Variants in CDK8 observed in about 807,000 individuals in gnomAD.
CDK8 encodes cyclin-dependent kinase 8.
Under a neutral mutation model 71.5 loss-of-function variants are expected in CDK8, and 29 were observed. That is an observed-to-expected ratio of 0.41 (90% CI 0.30 to 0.55). CDK8 has a LOEUF of 0.55. CDK8 is among the 20% of genes least tolerant of loss of function. CDK8 has a pLI of 0.37. For missense variants in CDK8, 288 were observed against 572.6 expected (o/e 0.50, Z 5.07); for synonymous variants, 161 against 192.1 (o/e 0.84, Z 1.34).
chr13:26,333,185 G>A (rs760478687), intron 1 of CDK8, among the ~76,000 whole-genome samples: 14 of 151,526 alleles, frequency 9.2e-5, no homozygotes, highest in Non-Finnish European at 1.8e-4. Context: ...CATCCCCCAG[G>A]CTGGAGTGCA....
Position 26,353,743 on chromosome 13 carries a change from A to G in CDK8, c.319A>G (p.Ile107Val), listed in dbSNP as rs769263310. Reference sequence around the variant, plus strand: ...GATATTTTTTTCTTTCTTTCAGCATATAATCAAGTTTCACAGAGCTTCTAA... The same window carrying G: ...GATATTTTTTTCTTTCTTTCAGCATGTAATCAAGTTTCACAGAGCTTCTAA... ...FDYAEHDLWH[I>V]IKFHRASKAN... Residue 107 changes from isoleucine (I) to valine (V), a missense_variant, in exon 4 of 13, where the codon ATA becomes GTA. Around this residue, in one of 6 missense-constraint regions of CDK8, gnomAD observed 95 missense variants for 177.3 expected, o/e 0.54. Coordinates refer to ENST00000381527, the MANE Select transcript of CDK8 (RefSeq NM_001260.3). 1.9e-6 allele frequency: 3 copies of G among 1,608,884 alleles called. No homozygotes were observed. The highest frequency in any genetic ancestry group is 1.7e-5 in the Admixed American group (1 of 59,340).
rs146076843 is a variant in CDK8, at chr13:26,284,510, C to T, written c.128+29741C>T. On this transcript the variant is annotated intron_variant, in intron 1 of 12. Coordinates refer to ENST00000381527, the MANE Select transcript of CDK8 (RefSeq NM_001260.3). ...TATTCAAGTTTACTGTGAGCACAAA[C>T]TAGAAAATCTAGAGATGGATAAATT... Among the ~76,000 whole-genome samples, 674 of 152,114 alleles carry T rather than the reference C, an allele frequency of 4.4e-3. 4 individuals carry two copies. The highest frequency in any genetic ancestry group is 0.015 in the African/African-American group (636 of 41,474).
intron 1 of CDK8, among the ~76,000 whole-genome samples, chr13:26,259,928 A>G (rs1871697338): frequency 6.6e-6 from 1 of 152,192 alleles, no homozygotes; most frequent in Non-Finnish European, 1.5e-5. Flanking sequence ...TTCAATAAGC[A>G]CTATAATAAT....
intron 3 of CDK8, among the ~76,000 whole-genome samples, chr13:26,353,398 CT>C (rs10715270): frequency 0.88 from 129,819 of 147,422 alleles, 57,188 homozygotes; most frequent in East Asian, 0.92. Flanking sequence ...GAATTTTGTT[CT>C]TTTTTTTTTT....
At chr13:26,360,880 C>T (rs1487171601) in intron 4 of CDK8, among the ~76,000 whole-genome samples, 2 of 152,146 alleles carry the variant, frequency 1.3e-5, no homozygotes, top group African/African-American at 4.8e-5. Context: ...AAGCTTCCCC[C>T]CATCCGTCTG....
intron 6 of CDK8, among the ~76,000 whole-genome samples, chr13:26,392,553 C>G (rs1190163904): frequency 6.6e-6 from 1 of 152,044 alleles, no homozygotes; most frequent in Non-Finnish European, 1.5e-5. Context: ...GTCTTGATTT[C>G]CTGACCTCGT....
intron 1 of CDK8, among the ~76,000 whole-genome samples, chr13:26,260,039 G>A (rs1388535396): frequency 6.6e-6 from 1 of 152,150 alleles, no homozygotes; most frequent in Non-Finnish European, 1.5e-5. Flanking sequence ...GATCATAGAA[G>A]ACAGGGAAGG....
chr13:26,392,705 T>G (rs2138061707), intron 6 of CDK8, among the ~76,000 whole-genome samples: 1 of 152,256 alleles, frequency 6.6e-6, no homozygotes, highest in African/African-American at 2.4e-5. Flanking sequence ...TTGCAAAATC[T>G]GATACTGCTT....
chr13:26,348,586 A>T (rs9581646), intron 2 of CDK8, among the ~76,000 whole-genome samples: 4,716 of 145,246 alleles, frequency 0.032, 235 homozygotes, highest in African/African-American at 0.11. Flanking sequence ...CTGCACCTCC[A>T]CCCCATTATC....
chr13:26,361,057 C>T (rs1874116357), intron 4 of CDK8, among the ~76,000 whole-genome samples: 1 of 152,118 alleles, frequency 6.6e-6, no homozygotes, highest in African/African-American at 2.4e-5. Context: ...TATTTGCTGA[C>T]CCTTTTCCTA....
intron 4 of CDK8, chr13:26,359,787 C>G: frequency 2.8e-6 from 1 of 361,362 alleles, no homozygotes; most frequent in East Asian, 1.0e-4. Flanking sequence ...ATGATCACAG[C>G]TCACTTGAAC....
rs1876414819 is a variant in CDK8 at position 26,404,345 on chromosome 13, G to T, written c.*264G>T. On this transcript the variant is annotated 3_prime_UTR_variant, in exon 13 of 13. Coordinates refer to ENST00000381527, the MANE Select transcript of CDK8 (RefSeq NM_001260.3). ...TCCATAGTTTACTTGACATGGTTCA[G>T]ACTGACCAATGCATTTTTTTCAGTG... 2.9e-6 allele frequency: 1 copy of T among 350,060 alleles called. No individual in the cohort carries two copies. 21.7% of individuals were successfully genotyped at this position (350,060 alleles called of 1,614,324 possible). A position where few individuals can be genotyped will look rare whatever the true frequency, so the allele number is the denominator to read the frequency against.
rs189280851 is a variant in CDK8 at position 26,307,083 on chromosome 13, C to T, written c.129-30484C>T. Among the ~76,000 whole-genome samples, 422 of 152,258 alleles carry T rather than the reference C, an allele frequency of 2.8e-3. 5 individuals are homozygous for T. The highest frequency in any genetic ancestry group is 0.024 in the South Asian group (117 of 4,828). ...ACATAATGAGCACCTTTATCCTCTACTTGAAGAATAAAACATTAGAAAAGT... is the reference window on the plus strand; with the variant it reads ...ACATAATGAGCACCTTTATCCTCTATTTGAAGAATAAAACATTAGAAAAGT... On this transcript the variant is annotated intron_variant, in intron 1 of 12. Coordinates refer to ENST00000381527, the MANE Select transcript of CDK8 (RefSeq NM_001260.3).
chr13:26,336,589 T>C (rs576692771), intron 1 of CDK8, among the ~76,000 whole-genome samples: 1 of 146,880 alleles, frequency 6.8e-6, no homozygotes, highest in Non-Finnish European at 1.5e-5. Context: ...AGTCTCGCTC[T>C]GTCGCCCAGG....
chr13:26,324,142 A>G (rs1874917521), intron 1 of CDK8, among the ~76,000 whole-genome samples: 1 of 152,180 alleles, frequency 6.6e-6, no homozygotes, highest in Admixed American at 6.6e-5. Flanking sequence ...AAGGTATATT[A>G]ATTTCTTTAA....
chr13:26,301,162 CTG>C (rs953539839), intron 1 of CDK8, among the ~76,000 whole-genome samples: 3 of 148,114 alleles, frequency 2.0e-5, no homozygotes, highest in South Asian at 2.1e-4. Flanking sequence ...GTTAGTCAAT[CTG>C]AGCCTTGAAT....
intron 1 of CDK8, among the ~76,000 whole-genome samples, chr13:26,309,808 G>C (rs1200575417): frequency 6.6e-6 from 1 of 151,994 alleles, no homozygotes; most frequent in Non-Finnish European, 1.5e-5. Context: ...TGATTTTTGA[G>C]ACAGAGTCTC....
chr13:26,288,008 G>C (rs1375651841), intron 1 of CDK8, among the ~76,000 whole-genome samples: 1 of 152,100 alleles, frequency 6.6e-6, no homozygotes, highest in African/African-American at 2.4e-5. Context: ...TATCGCCCAG[G>C]CTGGAGTGCA....
chr13:26,294,011 A>G (rs529144381), intron 1 of CDK8, among the ~76,000 whole-genome samples: 1 of 152,284 alleles, frequency 6.6e-6, no homozygotes, highest in Non-Finnish European at 1.5e-5. Flanking sequence ...TATAAGTGAG[A>G]TCATGTGGTA....
Sources: allele counts gnomAD v4.1 joint callset (sites outside exome capture counted in the v4.1 genomes callset), GRCh38; gene constraint gnomAD v4.1.1; regional missense constraint gnomAD v4.1.1; transcripts MANE v1.5; gene names NCBI Gene and HGNC (gene_info 2026-07-23, HGNC 2026-07-21).